Variants in DYNC2H1 observed in about 807,000 individuals in gnomAD.
The protein encoded by DYNC2H1 is dynein cytoplasmic 2 heavy chain 1.
DYNC2H1 carries 410 observed loss-of-function variants against 570.0 expected under a neutral mutation model. The observed-to-expected ratio is 0.72, with a 90% CI of 0.66 to 0.78. The LOEUF (loss-of-function observed/expected upper bound fraction) is 0.78. Ranked by LOEUF, DYNC2H1 falls within the 30% of genes least tolerant of loss-of-function variation. The probability of loss-of-function intolerance (pLI) is 0.00; values close to 1 mark genes in which losing one functional copy is unlikely to be tolerated. For synonymous variants in DYNC2H1, 1,688 were observed against 1,677.6 expected (o/e 1.01, Z -0.15); for missense variants, 4,865 against 5,046.4 (o/e 0.96, Z 1.09).
chr11:103,287,550 G>A lies in DYNC2H1; in HGVS notation c.11040G>A (p.Ala3680=), dbSNP rs761733248. The A allele has an allele frequency of 3.0e-5, 48 of 1,610,452 alleles. No individual in the cohort carries two copies. In the East Asian group the frequency reaches 3.1e-4, roughly 11 times the overall value. Residue 3680 remains alanine (A), a synonymous_variant, in exon 75 of 89, where the codon GCG becomes GCA. Coordinates refer to ENST00000375735, the MANE Select transcript of DYNC2H1 (RefSeq NM_001377.3). ...ATTTTAAGATTCTTGTAGTACAGGCGCTAAGACCGGACAGATTGCAAAGTG... is the reference window on the plus strand; with the variant it reads ...ATTTTAAGATTCTTGTAGTACAGGCACTAAGACCGGACAGATTGCAAAGTG... ...SLFQQILVVQ[A]LRPDRLQSAM...
chr11:103,126,636 ATTTT>A (rs35586253), intron 12 of DYNC2H1, among the ~76,000 whole-genome samples: 5 of 112,820 alleles, frequency 4.4e-5, no homozygotes, highest in Non-Finnish European at 3.8e-5. Context: ...TAGAACTCAT[ATTTT>A]TTTTTTTTTT....
intron 84 of DYNC2H1, among the ~76,000 whole-genome samples, chr11:103,414,846 G>C (rs1943220496): frequency 1.3e-5 from 2 of 152,128 alleles, no homozygotes; most frequent in South Asian, 4.1e-4. Context: ...ACCACTTCAA[G>C]AAGAACGATA....
chr11:103,431,184 G>A (rs1213692963), intron 84 of DYNC2H1, among the ~76,000 whole-genome samples: 2 of 139,226 alleles, frequency 1.4e-5, no homozygotes, highest in African/African-American at 5.4e-5. Flanking sequence ...TTTAGGGTTA[G>A]ACCTGGATTC....
At chr11:103,459,348 T>A (rs1457562843) in intron 87 of DYNC2H1, among the ~76,000 whole-genome samples, 4 of 147,804 alleles carry the variant, frequency 2.7e-5, no homozygotes, top group Non-Finnish European at 4.5e-5. Context: ...ATTCCATTCA[T>A]ATAGTTCATT....
At chr11:103,344,630 G>C (rs117154449) in intron 82 of DYNC2H1, among the ~76,000 whole-genome samples, 1 of 152,092 alleles carries the variant, frequency 6.6e-6, no homozygotes, top group Non-Finnish European at 1.5e-5. Context: ...CTGTTTTTGA[G>C]CATTTGTATA....
rs767637931 is a variant in DYNC2H1, at chr11:103,116,723, A to G, written c.766+9A>G. ...TCTCTTAGACATCATAGGTACTAGT[A>G]AAAAAATGAACTTTTGGAATTTTGA... On this transcript the variant is annotated intron_variant, in intron 5 of 88. Transcript: ENST00000375735. 3 of 1,571,776 alleles carry G rather than the reference A, an allele frequency of 1.9e-6. No individual in the cohort carries two copies. Among genetic ancestry groups the G allele is most frequent in the South Asian group, 2.4e-5 (2 of 82,884 alleles).
intron 78 of DYNC2H1, among the ~76,000 whole-genome samples, chr11:103,309,822 T>G (rs1777003936): frequency 6.6e-6 from 1 of 152,116 alleles, no homozygotes; most frequent in African/African-American, 2.4e-5. Flanking sequence ...AATATTTCGA[T>G]AAGAGAGTAT....
chr11:103,224,265 T>A (rs895155249), intron 59 of DYNC2H1, among the ~76,000 whole-genome samples: 8 of 140,520 alleles, frequency 5.7e-5, no homozygotes, highest in South Asian at 2.3e-4. Context: ...AAAAAAAAAA[T>A]TTCAATAGGT....
At chr11:103,282,134 G>C in intron 71 of DYNC2H1, 45 bp from the exon 72 acceptor site, 1 of 1,572,170 alleles carries the variant, frequency 6.4e-7, no homozygotes, top group Non-Finnish European at 8.7e-7. Flanking sequence ...TTGTTAACTG[G>C]TTATCATTTT....
In DYNC2H1 at chr11:103,170,691, A is replaced by C. The variant is rs531963601; in HGVS notation, c.5152-195A>C. Among the ~76,000 whole-genome samples, 1 of 152,190 alleles carries C rather than the reference A, an allele frequency of 6.6e-6. No homozygotes were observed. Among genetic ancestry groups the C allele is most frequent in the Non-Finnish European group, 1.5e-5 (1 of 68,032 alleles). On this transcript the variant is annotated intron_variant, in intron 33 of 88. Transcript: ENST00000375735. This position sits in a 1 kb window ranked among gnomAD's most constrained non-coding sequence, Gnocchi z 4.8. ...TGCAAGCTTTTTAGAACACTTTCACATGCATTATTTTGTTTATCCCTTGAA... is the reference window on the plus strand; with the variant it reads ...TGCAAGCTTTTTAGAACACTTTCACCTGCATTATTTTGTTTATCCCTTGAA...
intron 20 of DYNC2H1, among the ~76,000 whole-genome samples, chr11:103,150,581 A>G (rs796567676): frequency 2.0e-5 from 3 of 152,198 alleles, no homozygotes; most frequent in African/African-American, 7.2e-5. Flanking sequence ...GGTAGAAATC[A>G]AATGAGGATG....
Position 103,235,708 on chromosome 11 carries a change from A to G in DYNC2H1, c.9604A>G (p.Lys3202Glu), listed in dbSNP as rs766759758. The change falls in exon 62 of 89, where the codon AAA becomes GAA. Residue 3202 changes from lysine to glutamate, a missense_variant. Coordinates refer to ENST00000375735, the MANE Select transcript of DYNC2H1 (RefSeq NM_001377.3). Reference sequence around the variant, plus strand: ...AACAGAGGAATTAGCTACTCTTCCTAAAAGAGCTCAACTTGCTGCTGCATT... The same window carrying G: ...AACAGAGGAATTAGCTACTCTTCCTGAAAGAGCTCAACTTGCTGCTGCATT... ...EITEELATLP[K>E]RAQLAAAFIT... 10 of 1,611,040 alleles carry G rather than the reference A, an allele frequency of 6.2e-6. No homozygotes were observed. Among genetic ancestry groups the G allele is most frequent in the Non-Finnish European group, 8.5e-6 (10 of 1,178,198 alleles).
At chr11:103,352,676 GT>G (rs1940109837) in intron 82 of DYNC2H1, among the ~76,000 whole-genome samples, 1 of 152,116 alleles carries the variant, frequency 6.6e-6, no homozygotes, top group South Asian at 2.1e-4. Context: ...TTGAAAGAAT[GT>G]TCTTGCTTTT....
chr11:103,318,587 C>T (rs951156904), intron 80 of DYNC2H1, among the ~76,000 whole-genome samples: 7 of 152,016 alleles, frequency 4.6e-5, no homozygotes, highest in Admixed American at 4.6e-4. Flanking sequence ...GGTAATGCTG[C>T]TATACCTTTA....
At chr11:103,237,278 C>A (rs937768719) in intron 63 of DYNC2H1, among the ~76,000 whole-genome samples, 25 of 152,080 alleles carry the variant, frequency 1.6e-4, no homozygotes, top group African/African-American at 5.8e-4. Flanking sequence ...TGCCTACACA[C>A]TATTTCCTTA....
chr11:103,231,956 T>C (rs759686140), intron 60 of DYNC2H1, among the ~76,000 whole-genome samples: 9 of 151,688 alleles, frequency 5.9e-5, no homozygotes, highest in Non-Finnish European at 4.4e-5. Flanking sequence ...TAGAAAAAAA[T>C]CAAACCGAAA....
intron 30 of DYNC2H1, among the ~76,000 whole-genome samples, chr11:103,165,419 G>T (rs1358183380): frequency 6.6e-6 from 1 of 152,108 alleles, no homozygotes; most frequent in African/African-American, 2.4e-5. Flanking sequence ...GTGAGCCACC[G>T]CACCCGGCCA....
chr11:103,193,623 A>G (rs551341473), intron 47 of DYNC2H1, among the ~76,000 whole-genome samples: 4 of 151,532 alleles, frequency 2.6e-5, no homozygotes, highest in Middle Eastern at 3.4e-3. Context: ...GGCCCACCGC[A>G]ACCTCCGCCT....
At chr11:103,337,710 G>T (rs1023257752) in intron 82 of DYNC2H1, among the ~76,000 whole-genome samples, 1 of 152,074 alleles carries the variant, frequency 6.6e-6, no homozygotes, top group Non-Finnish European at 1.5e-5. Context: ...AAGATCTTTT[G>T]CCTGTTTTTT....
Sources: gnomAD v4.1 joint callset for allele counts (sites outside exome capture counted in the v4.1 genomes callset) on GRCh38, gnomAD v4.1.1 for gene constraint, Gnocchi (gnomAD v3.1) non-coding constraint, MANE v1.5 for transcripts, NCBI Gene and HGNC (gene_info 2026-07-23, HGNC 2026-07-21) for gene names.